The following ALDH1A1 variants were observed in gnomAD, a reference collection of about 807,000 sequenced individuals.
The protein encoded by ALDH1A1 is aldehyde dehydrogenase 1A1.
ALDH1A1 carries 19 observed loss-of-function variants against 62.1 expected under a neutral mutation model. The ratio of observed to expected loss-of-function variants is 0.31; its 90% CI spans 0.21 to 0.45. The LOEUF is 0.45. Among genes scored for constraint, ALDH1A1 ranks in the 20% least tolerant of loss-of-function variants. The pLI, the probability that ALDH1A1 is intolerant of heterozygous loss-of-function variation, is 1.00. For synonymous variants in ALDH1A1, 231 were observed against 215.9 expected, an observed-to-expected ratio of 1.07 and a Z score of -0.61; for missense variants, 521 against 607.1, an observed-to-expected ratio of 0.86 and a Z score of 1.49.
chr9:72,918,335 C>T (rs1036345205), intron 8 of ALDH1A1, among the ~76,000 whole-genome samples: 3 of 152,174 alleles, frequency 2.0e-5, no homozygotes, highest in South Asian at 2.1e-4. Flanking sequence ...AAATGTGAAA[C>T]TGCTGTCTCC....
At chr9:72,939,382 A>T (rs966566036) in intron 2 of ALDH1A1, among the ~76,000 whole-genome samples, 1 of 152,172 alleles carries the variant, frequency 6.6e-6, no homozygotes, top group Non-Finnish European at 1.5e-5. Context: ...AAGTTATTCT[A>T]TAATATAATT....
intron 9 of ALDH1A1, among the ~76,000 whole-genome samples, chr9:72,913,959 C>A (rs1247582491): frequency 6.6e-6 from 1 of 152,192 alleles, no homozygotes; most frequent in African/African-American, 2.4e-5. Flanking sequence ...CAAATACAGA[C>A]CTTCTTCAGA....
chr9:72,948,579 C>T (rs1830501466), intron 1 of ALDH1A1, among the ~76,000 whole-genome samples: 2 of 151,876 alleles, frequency 1.3e-5, no homozygotes, highest in Admixed American at 1.3e-4. Flanking sequence ...TCTCTACATC[C>T]CTCAGGCTTA....
At chr9:72,905,620 T>C (rs994995946) in intron 12 of ALDH1A1, among the ~76,000 whole-genome samples, 3 of 152,152 alleles carry the variant, frequency 2.0e-5, no homozygotes, top group African/African-American at 4.8e-5. Context: ...CACCAATGCA[T>C]AGTTTCCACC....
chr9:72,905,951 A>T lies in ALDH1A1; in HGVS notation c.1433+7T>A. On this transcript the variant is annotated splice_region_variant and intron_variant, in intron 12 of 12. Transcript: ENST00000297785. Reference sequence around the variant, plus strand: ...AAATATTTATCTTAATAGAACGTTAATCTTACAGTTCTCTTCCATTTCCAG... The same window carrying T: ...AAATATTTATCTTAATAGAACGTTATTCTTACAGTTCTCTTCCATTTCCAG... 6.3e-7 allele frequency: 1 copy of T among 1,595,810 alleles called. No homozygotes were observed. The highest frequency in any genetic ancestry group is 8.6e-7 in the Non-Finnish European group (1 of 1,166,332).
chr9:72,909,360 G>C (rs1829950632), intron 11 of ALDH1A1, among the ~76,000 whole-genome samples: 1 of 151,868 alleles, frequency 6.6e-6, no homozygotes, highest in Non-Finnish European at 1.5e-5. Flanking sequence ...CACCATGTTG[G>C]CCAGGCTGGT....
intron 5 of ALDH1A1, 160 bp downstream of exon 5, chr9:72,926,956 A>G (rs765884158): frequency 1.5e-4 from 84 of 547,522 alleles, no homozygotes; most frequent in Non-Finnish European, 2.6e-4. Context: ...ATTCATATGC[A>G]AGAAGTTTAG....
intron 7 of ALDH1A1, among the ~76,000 whole-genome samples, chr9:72,923,390 A>G (rs1830165808): frequency 6.6e-6 from 1 of 152,140 alleles, no homozygotes; most frequent in Non-Finnish European, 1.5e-5. Context: ...TGCTTCCACC[A>G]CTTTCTTTTG....
chr9:72,940,298 G>C, intron 1 of ALDH1A1, 46 bp from the exon 2 acceptor site: 1 of 1,432,748 alleles, frequency 7.0e-7, no homozygotes, highest in East Asian at 2.3e-5. Flanking sequence ...TAAATATGCA[G>C]AAAATTTTGG....
chr9:72,925,278 T>C (rs548323725), intron 6 of ALDH1A1, among the ~76,000 whole-genome samples: 3 of 152,214 alleles, frequency 2.0e-5, no homozygotes, highest in African/African-American at 7.2e-5. Context: ...CAAACCTTTG[T>C]GTTTGGCTTC....
At chr9:72,902,703 T>G (rs1460328202) in intron 12 of ALDH1A1, among the ~76,000 whole-genome samples, 1 of 152,016 alleles carries the variant, frequency 6.6e-6, no homozygotes, top group Admixed American at 6.6e-5. Flanking sequence ...ATATTCAGGC[T>G]GAAATATGTC....
At chr9:72,908,453 A>AT (rs1293671897) in intron 11 of ALDH1A1, among the ~76,000 whole-genome samples, 4 of 129,626 alleles carry the variant, frequency 3.1e-5, no homozygotes, top group Non-Finnish European at 6.6e-5. Context: ...AAAAAAAAAA[A>AT]AAAAAAAGAA....
At chr9:72,920,806 T>C (rs1054524641) in intron 7 of ALDH1A1, among the ~76,000 whole-genome samples, 5 of 152,200 alleles carry the variant, frequency 3.3e-5, no homozygotes, top group Non-Finnish European at 7.3e-5. Context: ...GAGTATGCAA[T>C]GAAGAAAAGA....
At chr9:72,918,585 CTT>C (rs899082100) in intron 8 of ALDH1A1, 133 bp downstream of exon 8, 13 of 583,980 alleles carry the variant, frequency 2.2e-5, no homozygotes, top group African/African-American at 2.2e-4. Context: ...ATTTTGGACT[CTT>C]TACACTTTGA....
intron 1 of ALDH1A1, among the ~76,000 whole-genome samples, chr9:72,950,261 A>G (rs538824891): frequency 6.6e-6 from 1 of 152,000 alleles, no homozygotes; most frequent in African/African-American, 2.4e-5. Flanking sequence ...TAAACATAAG[A>G]AAACCGAGGC....
At chr9:72,933,987 G>A (rs1412731756) in intron 2 of ALDH1A1, among the ~76,000 whole-genome samples, 1 of 152,084 alleles carries the variant, frequency 6.6e-6, no homozygotes, top group African/African-American at 2.4e-5. Flanking sequence ...GTAAAGATGA[G>A]GTCTTGCTAT....
intron 11 of ALDH1A1, among the ~76,000 whole-genome samples, chr9:72,907,502 T>C (rs1342293263): frequency 6.6e-6 from 1 of 152,210 alleles, no homozygotes; most frequent in Non-Finnish European, 1.5e-5. Flanking sequence ...GCATGGAACA[T>C]TCTGCTAGTC....
At chr9:72,937,394 G>A (rs887223538) in intron 2 of ALDH1A1, among the ~76,000 whole-genome samples, 3 of 152,116 alleles carry the variant, frequency 2.0e-5, no homozygotes, top group African/African-American at 7.2e-5. Flanking sequence ...ACAGAAGAGA[G>A]TAAGTCTGCT....
chr9:72,905,844 C>T (rs1829871646), intron 12 of ALDH1A1, 114 bp downstream of exon 12: 3 of 805,152 alleles, frequency 3.7e-6, no homozygotes, highest in Admixed American at 5.7e-5. Context: ...TATGAATCTC[C>T]AGGAAAGAAC....
Sources: gnomAD v4.1 joint callset for allele counts (sites outside exome capture counted in the v4.1 genomes callset) on GRCh38, gnomAD v4.1.1 for gene constraint, MANE v1.5 for transcripts, NCBI Gene and HGNC (gene_info 2026-07-23, HGNC 2026-07-21) for gene names.